DBX2: variants seen among roughly 807,000 people sequenced by gnomAD.
The protein encoded by DBX2 is developing brain homeobox 2, also known as homeobox protein DBX2.
A neutral mutation model predicts 17.7 loss-of-function variants in DBX2; 16 were observed. The ratio of observed to expected loss-of-function variants is 0.90; its 90% confidence interval spans 0.61 to 1.37. DBX2 has a LOEUF of 1.37. Ranked by LOEUF, DBX2 falls within the 40% of genes most tolerant of loss-of-function variation. The probability of loss-of-function intolerance (pLI) is 0.00; values close to 1 mark genes in which losing one functional copy is unlikely to be tolerated. For missense variants in DBX2, 538 were observed against 433.8 expected (o/e 1.24, Z -2.13); for synonymous variants, 255 against 183.8 (o/e 1.39, Z -3.13).
chr12:45,026,560 T>C (rs1480422092), intron 2 of DBX2, among the ~76,000 whole-genome samples: 1 of 152,136 alleles, frequency 6.6e-6, no homozygotes, highest in Non-Finnish European at 1.5e-5. Context: ...CCACAACAAA[T>C]GTACTAACCC....
intron 2 of DBX2, among the ~76,000 whole-genome samples, chr12:45,027,546 G>C (rs908068019): frequency 1.3e-5 from 2 of 152,158 alleles, no homozygotes; most frequent in African/African-American, 4.8e-5. Flanking sequence ...AAATTTTAGT[G>C]AATCATTAAA....
At chr12:45,039,315 A>ATATATATG (rs1177922288) in intron 1 of DBX2, among the ~76,000 whole-genome samples, 1 of 115,668 alleles carries the variant, frequency 8.6e-6, no homozygotes, top group East Asian at 2.7e-4. Flanking sequence ...ATATATATAT[A>ATATATATG]TATATATGTA....
chr12:45,035,428 G>C (rs1430991513), intron 2 of DBX2, among the ~76,000 whole-genome samples: 2 of 152,114 alleles, frequency 1.3e-5, no homozygotes, highest in African/African-American at 4.8e-5. Flanking sequence ...CACACTGCGA[G>C]ATTTTGAAAG....
At chr12:45,044,419 C>T (rs540263511) in intron 1 of DBX2, among the ~76,000 whole-genome samples, 1 of 152,086 alleles carries the variant, frequency 6.6e-6, no homozygotes, top group East Asian at 1.9e-4. Context: ...ATAATAGAGA[C>T]TTAAGGTTTT....
chr12:45,016,276 A>G lies in DBX2; in HGVS notation c.*10T>C. 6.5e-7 allele frequency: 1 copy of G among 1,540,384 alleles called. No homozygotes were observed. Among genetic ancestry groups the G allele is most frequent in the Non-Finnish European group, 8.7e-7 (1 of 1,147,628 alleles). On this transcript the variant is annotated 3_prime_UTR_variant, in exon 4 of 4. Coordinates refer to ENST00000332700, the MANE Select transcript of DBX2 (RefSeq NM_001004329.3). Reference sequence around the variant, plus strand: ...CGTTCTTTTAAATGAACACGGAGGAATGCTTCCATTCAGACAGCCCCAGTA... The same window carrying G: ...CGTTCTTTTAAATGAACACGGAGGAGTGCTTCCATTCAGACAGCCCCAGTA...
intron 1 of DBX2, among the ~76,000 whole-genome samples, chr12:45,042,882 T>C (rs935497283): frequency 6.6e-6 from 1 of 152,176 alleles, no homozygotes; most frequent in African/African-American, 2.4e-5. Context: ...TGTGGGACGT[T>C]AGTTCACCAT....
In DBX2 at chr12:45,016,300, T is replaced by C; in HGVS notation, c.1006A>G (p.Thr336Ala). The change falls in exon 4 of 4, where the codon ACT (threonine) becomes GCT (alanine). Residue 336 changes from threonine to alanine, a missense_variant. Physicochemically the swap from Thr to Ala is moderately conservative, Grantham distance 58. Coordinates refer to ENST00000332700, the MANE Select transcript of DBX2 (RefSeq NM_001004329.3). ...EEEAGSKGVL[T>A]GAV ...AATGCTTCCATTCAGACAGCCCCAGTAAGTACACCCTTGCTTCCAGCTTCT... is the reference window on the plus strand; with the variant it reads ...AATGCTTCCATTCAGACAGCCCCAGCAAGTACACCCTTGCTTCCAGCTTCT... 6.4e-7 allele frequency: 1 copy of C among 1,571,978 alleles called. No homozygotes were observed. The highest frequency in any genetic ancestry group is 8.6e-7 in the Non-Finnish European group (1 of 1,162,284).
chr12:45,035,613 C>T (rs1184729427), intron 2 of DBX2, among the ~76,000 whole-genome samples: 1 of 152,176 alleles, frequency 6.6e-6, no homozygotes, highest in Non-Finnish European at 1.5e-5. Context: ...TCTCCATAGA[C>T]ACTTAGTGAC....
At chr12:45,033,198 G>A (rs1946419090) in intron 2 of DBX2, among the ~76,000 whole-genome samples, 1 of 152,168 alleles carries the variant, frequency 6.6e-6, no homozygotes, top group Admixed American at 6.5e-5. Flanking sequence ...AATGAATCAG[G>A]TTAAGAGTCA....
intron 1 of DBX2, among the ~76,000 whole-genome samples, chr12:45,048,404 C>T (rs1272583505): frequency 1.3e-5 from 2 of 152,104 alleles, no homozygotes; most frequent in East Asian, 1.9e-4. Flanking sequence ...ATTATCTTCC[C>T]GAAAACAAAG....
At chr12:45,025,003 C>G (rs1946373955) in intron 2 of DBX2, among the ~76,000 whole-genome samples, 1 of 152,196 alleles carries the variant, frequency 6.6e-6, no homozygotes, top group Admixed American at 6.5e-5. Context: ...TTTCATAGTT[C>G]ATTCACTCAT....
At chr12:45,045,502 C>T (rs535607109) in intron 1 of DBX2, among the ~76,000 whole-genome samples, 4 of 152,292 alleles carry the variant, frequency 2.6e-5, no homozygotes, top group East Asian at 1.9e-4. Flanking sequence ...TTTTAAGTTG[C>T]TACCATTTCT....
Position 45,015,130 on chromosome 12 carries a change from C to T in DBX2, c.*1156G>A, listed in dbSNP as rs566324124. On this transcript the variant is annotated 3_prime_UTR_variant, in exon 4 of 4. Coordinates refer to ENST00000332700, the MANE Select transcript of DBX2 (RefSeq NM_001004329.3). ...TGGAGTAAAAACTTCTGGATTAACT[C>T]AGCAAATCGTTACCAGAAATGCAAT... 30 of 152,292 alleles carry T rather than the reference C, an allele frequency of 2.0e-4. No individual in the cohort carries two copies. The East Asian group carries it at 4.2e-3, about 22-fold the overall frequency. 9.4% of individuals were successfully genotyped at this position (152,292 alleles called of 1,614,324 possible).
In DBX2 at chr12:45,050,716, G is replaced by A; in HGVS notation, c.212C>T (p.Ala71Val). 6.7e-7 allele frequency: 1 copy of A among 1,493,436 alleles called. No individual in the cohort carries two copies. The highest frequency in any genetic ancestry group is 8.9e-7 in the Non-Finnish European group (1 of 1,124,382). The allele number at this position is 1,493,436 out of a possible 1,614,324, so 92.5% of individuals were successfully genotyped here. The change falls in exon 1 of 4, where the codon GCG (alanine) becomes GTG (valine). Residue 71 changes from alanine (A) to valine (V), a missense_variant. Physicochemically the swap from Ala to Val is moderately conservative, Grantham distance 64. Transcript: ENST00000332700. ...GCTAGCAGGCAGGGGCCGGAGCTGC[G>A]CGCCCGCGGTGGCCAGGGCGGTCGC... ...DPATALATAG[A>V]QLRPLPASPV... is the part of the protein sequence containing the mutation.
intron 1 of DBX2, among the ~76,000 whole-genome samples, chr12:45,043,869 T>G (rs182989153): frequency 6.6e-6 from 1 of 152,306 alleles, no homozygotes; most frequent in African/African-American, 2.4e-5. Flanking sequence ...TTTTGAGGTA[T>G]GTGCTTTAAA....
chr12:45,045,421 T>A (rs1397088057), intron 1 of DBX2, among the ~76,000 whole-genome samples: 8 of 152,238 alleles, frequency 5.3e-5, no homozygotes, highest in Non-Finnish European at 1.0e-4. Flanking sequence ...TAAACTTTCA[T>A]AGCAAAGAAT....
Position 45,016,428 on chromosome 12 carries a change from T to C in DBX2, c.878A>G (p.Glu293Gly). 6.2e-7 allele frequency: 1 copy of C among 1,614,068 alleles called. No homozygotes were observed. Residue 293 changes from glutamate to glycine, a missense_variant, in exon 4 of 4, where the codon GAG (glutamate) becomes GGG (glycine). By Grantham distance (98) the Glu-to-Gly change is moderately conservative. Transcript: ENST00000332700. ...PQQHSSPRWRENSPEPSERLI... is the reference protein window; with the variant it reads ...PQQHSSPRWRGNSPEPSERLI... ...TCTTTCTGAAGGTTCTGGAGAATTCTCCCTCCATCTTGGACTTGAGTGCTG... is the reference window on the plus strand; with the variant it reads ...TCTTTCTGAAGGTTCTGGAGAATTCCCCCTCCATCTTGGACTTGAGTGCTG...
intron 1 of DBX2, 110 bp from the exon 2 acceptor site, chr12:45,036,224 G>C: frequency 1.0e-6 from 1 of 957,120 alleles, no homozygotes; most frequent in Non-Finnish European, 1.5e-6. Context: ...TTTTTAATTT[G>C]TATTGAAATT....
Position 45,050,914 on chromosome 12 carries a change from G to A in DBX2, c.14C>T (p.Ala5Val), listed in dbSNP as rs1369518833. The change falls in exon 1 of 4, where the codon GCG (alanine) becomes GTG (valine). Residue 5 changes from alanine (A) to valine (V), a missense_variant. Coordinates refer to ENST00000332700, the MANE Select transcript of DBX2 (RefSeq NM_001004329.3). MLPS[A>V]VAAHAGAYWD... is the part of the protein sequence containing the mutation. ...GTACGCACCGGCGTGGGCTGCGACCGCGCTGGGGAGCATAGTGCGGCGCCA... is the reference window on the plus strand; with the variant it reads ...GTACGCACCGGCGTGGGCTGCGACCACGCTGGGGAGCATAGTGCGGCGCCA... 2 of 1,497,402 alleles carry A rather than the reference G, an allele frequency of 1.3e-6. No individual in the cohort carries two copies. The highest frequency in any genetic ancestry group is 1.4e-5 in the African/African-American group (1 of 69,350). The allele number at this position is 1,497,402 out of a possible 1,614,324, so 92.8% of individuals were successfully genotyped here. A position where few individuals can be genotyped will look rare whatever the true frequency, so the allele number is the denominator to read the frequency against.
Sources: allele counts gnomAD v4.1 joint callset (sites outside exome capture counted in the v4.1 genomes callset), GRCh38; gene constraint gnomAD v4.1.1; transcripts MANE v1.5; gene names NCBI Gene and HGNC (gene_info 2026-07-23, HGNC 2026-07-21).